The following POU6F2 variants were observed in gnomAD, a reference collection of about 807,000 sequenced individuals.
POU6F2 encodes POU domain, class 6, transcription factor 2.
POU6F2 carries 31 observed loss-of-function variants against 71.3 expected under a neutral mutation model. The observed-to-expected ratio is 0.43, with a 90% CI of 0.33 to 0.59. The LOEUF is 0.59. Ranked by LOEUF, POU6F2 falls within the 20% of genes least tolerant of loss-of-function variation. POU6F2 has a pLI of 0.04. For missense variants in POU6F2, 783 were observed against 856.8 expected (o/e 0.91, Z 1.07); for synonymous variants, 347 against 355.7 (o/e 0.98, Z 0.27).
intron 2 of POU6F2, among the ~76,000 whole-genome samples, chr7:39,098,245 AT>A (rs1261234857): frequency 1.3e-5 from 2 of 151,898 alleles, no homozygotes; most frequent in African/African-American, 4.8e-5. Flanking sequence ...AAGCCAATAC[AT>A]TTTATTTATT....
At chr7:39,048,161 A>G (rs900522523) in intron 1 of POU6F2, among the ~76,000 whole-genome samples, 8 of 151,830 alleles carry the variant, frequency 5.3e-5, no homozygotes, top group African/African-American at 1.9e-4. Flanking sequence ...TAAATTACGA[A>G]TTCCATTGCT....
chr7:39,119,193 T>C (rs1343066161), intron 2 of POU6F2, among the ~76,000 whole-genome samples: 1 of 152,096 alleles, frequency 6.6e-6, no homozygotes, highest in Non-Finnish European at 1.5e-5. Context: ...ACCAATCCTG[T>C]TAGGAATAGA....
intron 4 of POU6F2, among the ~76,000 whole-genome samples, chr7:39,224,728 G>A (rs1794430382): frequency 6.6e-6 from 1 of 152,206 alleles, no homozygotes; most frequent in Non-Finnish European, 1.5e-5. Context: ...CCCCACACCA[G>A]TTGATCAGCC....
At chr7:39,316,688 A>C (rs188604922) in intron 4 of POU6F2, among the ~76,000 whole-genome samples, 132 of 152,338 alleles carry the variant, frequency 8.7e-4, no homozygotes, top group Admixed American at 2.7e-3. Context: ...GAAAGACTTT[A>C]GGTTTCCTAG....
intron 1 of POU6F2, among the ~76,000 whole-genome samples, chr7:39,056,374 A>G (rs1435234154): frequency 6.6e-6 from 1 of 152,080 alleles, no homozygotes; most frequent in Non-Finnish European, 1.5e-5. Context: ...CTTGTTTTAT[A>G]GAGGTTATTC....
intron 4 of POU6F2, among the ~76,000 whole-genome samples, chr7:39,234,403 T>C: frequency 6.6e-6 from 1 of 152,154 alleles, no homozygotes; most frequent in African/African-American, 2.4e-5. Context: ...TATTGTGCAG[T>C]GCTGAGGCCC....
intron 5 of POU6F2, among the ~76,000 whole-genome samples, chr7:39,353,286 G>A (rs953730645): frequency 6.6e-5 from 10 of 152,180 alleles, no homozygotes; most frequent in Non-Finnish European, 1.2e-4. Flanking sequence ...ATACATGAAT[G>A]CATGGGTTGA....
chr7:39,423,473 C>CTGAGTGAG (rs564651070), intron 6 of POU6F2, among the ~76,000 whole-genome samples: 2 of 137,454 alleles, frequency 1.5e-5, no homozygotes, highest in East Asian at 2.8e-4. Context: ...AAAGGATTTG[C>CTGAGTGAG]TGAGTGAGTG....
At chr7:39,315,554 A>G (rs1785247955) in intron 4 of POU6F2, among the ~76,000 whole-genome samples, 2 of 152,204 alleles carry the variant, frequency 1.3e-5, no homozygotes, top group African/African-American at 4.8e-5. Flanking sequence ...ACTCTCCTCC[A>G]TCCTCCGGCA....
intron 2 of POU6F2, among the ~76,000 whole-genome samples, chr7:39,159,284 T>G (rs1792937403): frequency 6.6e-6 from 1 of 152,228 alleles, no homozygotes; most frequent in Non-Finnish European, 1.5e-5. Context: ...TGTCTTATCT[T>G]TCATTGGCAG....
chr7:39,436,913 A>G (rs1788257830), intron 7 of POU6F2, among the ~76,000 whole-genome samples: 1 of 152,170 alleles, frequency 6.6e-6, no homozygotes, highest in Admixed American at 6.6e-5. Context: ...CTCTTTATGC[A>G]ATGGATTACG....
chr7:39,285,596 A>G (rs182105813), intron 4 of POU6F2, among the ~76,000 whole-genome samples: 290 of 152,326 alleles, frequency 1.9e-3, no homozygotes, highest in Non-Finnish European at 3.1e-3. Flanking sequence ...GGATTTCAAC[A>G]TTTTGTAAAA....
intron 2 of POU6F2, among the ~76,000 whole-genome samples, chr7:39,198,181 T>A (rs78872913): frequency 6.6e-6 from 1 of 152,288 alleles, no homozygotes; most frequent in Non-Finnish European, 1.5e-5. Flanking sequence ...GATAAAAAAT[T>A]ATTGGAGGAA....
At chr7:39,210,655 A>G (rs756001102) in intron 4 of POU6F2, among the ~76,000 whole-genome samples, 6 of 152,050 alleles carry the variant, frequency 3.9e-5, no homozygotes, top group Non-Finnish European at 7.4e-5. Context: ...TCATATCACA[A>G]TCTCCTCTTA....
chr7:39,319,752 A>G (rs1183063378), intron 4 of POU6F2, among the ~76,000 whole-genome samples: 1 of 152,254 alleles, frequency 6.6e-6, no homozygotes, highest in Non-Finnish European at 1.5e-5. Flanking sequence ...TCCCTACTGC[A>G]GGGACATAAA....
At position 39,007,623 on chromosome 7, in the gene POU6F2, C is replaced by G. The variant is rs182129783; in HGVS notation, c.105+29565C>G. On this transcript the variant is annotated intron_variant, in intron 1 of 9. Coordinates refer to ENST00000518318, the MANE Select transcript of POU6F2 (RefSeq NM_001370959.1). ...CATGTGCCATGGTGGTGCGCTGCAC[C>G]CACTAACTCATCATCTAGCATTAGG... is the stretch of plus-strand genomic sequence containing the variant. Among the ~76,000 whole-genome samples, 432 of 152,202 alleles carry G rather than the reference C, an allele frequency of 2.8e-3. 2 individuals carry two copies. Among genetic ancestry groups the G allele is most frequent in the Non-Finnish European group, 4.7e-3 (320 of 68,024 alleles).
At chr7:39,379,635 T>C (rs1040029776) in intron 5 of POU6F2, among the ~76,000 whole-genome samples, 3 of 152,168 alleles carry the variant, frequency 2.0e-5, no homozygotes, top group African/African-American at 7.2e-5. Context: ...AGCCAGACAG[T>C]CTACAAGCTC....
chr7:39,314,084 G>A (rs1037551640), intron 4 of POU6F2, among the ~76,000 whole-genome samples: 2 of 152,146 alleles, frequency 1.3e-5, no homozygotes, highest in Admixed American at 6.5e-5. Flanking sequence ...TGTGTGTGAC[G>A]ATGATTTGCA....
Position 39,460,794 on chromosome 7 carries a change from C to T in POU6F2, c.1658+79C>T, listed in dbSNP as rs1281780669. On this transcript the variant is annotated intron_variant, in intron 9 of 9. Transcript: ENST00000518318. The surrounding 1 kb of genome is among the most constrained non-coding windows in gnomAD (Gnocchi z 4.4). ...TCCTCGCGGTTCAGCTTTTCTTCGT[C>T]GGGTGGGCAAAGCTGGAGGGGCAGA... 17 of 1,411,192 alleles carry T rather than the reference C, an allele frequency of 1.2e-5. 1 individual carries two copies. The highest frequency in any genetic ancestry group is 4.8e-5 in the South Asian group (3 of 62,170). 87.4% of individuals were successfully genotyped at this position (1,411,192 alleles called of 1,614,324 possible). A position where few individuals can be genotyped will look rare whatever the true frequency, so the allele number is the denominator to read the frequency against.
Sources: gnomAD v4.1 joint callset for allele counts (sites outside exome capture counted in the v4.1 genomes callset) on GRCh38, gnomAD v4.1.1 for gene constraint, Gnocchi (gnomAD v3.1) non-coding constraint, MANE v1.5 for transcripts, NCBI Gene and HGNC (gene_info 2026-07-23, HGNC 2026-07-21) for gene names.